The following OPLAH variants were observed in gnomAD, a reference collection of about 807,000 sequenced individuals.
OPLAH encodes the protein 5-oxoprolinase, ATP-hydrolysing.
Under a neutral mutation model 122.8 loss-of-function variants are expected in OPLAH, and 103 were observed. The observed-to-expected ratio is 0.84, with a 90% CI of 0.71 to 0.99. OPLAH has a LOEUF of 0.99. OPLAH is among the 50% of genes least tolerant of loss of function. The probability of loss-of-function intolerance (pLI) is 0.00; values close to 1 mark genes in which losing one functional copy is unlikely to be tolerated. For synonymous variants in OPLAH, 875 were observed against 796.0 expected (o/e 1.10, Z -1.67); for missense variants, 1,902 against 1,836.5 (o/e 1.04, Z -0.65).
chr8:144,058,467 T>C, intron 6 of OPLAH, 29 bp downstream of exon 6: 2 of 1,575,142 alleles, frequency 1.3e-6, no homozygotes, highest in Non-Finnish European at 1.7e-6. Flanking sequence ...GGCCCAGGAG[T>C]GGGCAGTGGG....
chr8:144,058,633 C>T lies in OPLAH; in HGVS notation c.646G>A (p.Val216Met), dbSNP rs374238208. The T allele has an allele frequency of 4.6e-5, 74 of 1,602,554 alleles. No individual in the cohort carries two copies. Among genetic ancestry groups the T allele is most frequent in the Middle Eastern group, 1.7e-4 (1 of 6,054 alleles). The stretch of plus-strand genomic sequence containing the variant: ...GGCATGGCCTCCGAGGACAGTGACA[C>T]GTGCGTGAAGCCCAGCTCCCGGGCC... ...VLARELGFTH[V>M]SLSSEAMPMV... The change falls in exon 6 of 27, where the codon GTG becomes ATG. Residue 216 changes from valine (V) to methionine (M), a missense_variant. Val to Met is a conservative substitution (Grantham distance 21). Transcript: ENST00000618853.
Position 144,052,555 on chromosome 8 carries a change from ATGGAGC to A in OPLAH, c.3191_3196del (p.Gly1064_Ile1066delinsVal), listed in dbSNP as rs1564288018. On this transcript the variant is annotated inframe_deletion, in exon 23 of 27. Transcript: ENST00000618853. Reference sequence around the variant, plus strand: ...CGCCGCCTCGGGCGACGGGTCCAGGATGGAGCCTCGGGGAATGACCACGCGCACTGG... The same window carrying A: ...CGCCGCCTCGGGCGACGGGTCCAGGACTCGGGGAATGACCACGCGCACTGG... 1.9e-6 allele frequency: 3 copies of A among 1,596,704 alleles called. No individual in the cohort carries two copies. The East Asian group carries it at 6.7e-5, about 36-fold the overall frequency.
rs376334377 is a variant in OPLAH, at chr8:144,058,212, C to T, written c.949+27G>A. On this transcript the variant is annotated intron_variant, in intron 7 of 26. Coordinates refer to ENST00000618853, the MANE Select transcript of OPLAH (RefSeq NM_017570.5). The stretch of plus-strand genomic sequence containing the variant: ...CAGGGGCCCAGCAGCTGAGCCTCCC[C>T]GAGACCCCAGCCCTCGGCCCTCATA... 2.3e-5 allele frequency: 37 copies of T among 1,604,272 alleles called. No homozygotes were observed. In the Admixed American group the frequency reaches 3.0e-4, roughly 13 times the overall value.
intron 13 of OPLAH, 32 bp from the exon 14 acceptor site, chr8:144,056,555 C>CA: frequency 1.2e-6 from 2 of 1,612,248 alleles, no homozygotes; most frequent in Non-Finnish European, 1.7e-6. Context: ...AAGGAGTGGT[C>CA]AGAGTGAGGC....
chr8:144,061,113 C>G (rs1329711423), upstream of OPLAH, among the ~76,000 whole-genome samples: 3 of 152,266 alleles, frequency 2.0e-5, no homozygotes, highest in Non-Finnish European at 2.9e-5. Flanking sequence ...TGTGCGGTAT[C>G]TCTGGCCTTC....
chr8:144,053,499 G>T, intron 19 of OPLAH, 106 bp from the exon 20 acceptor site: 1 of 1,150,458 alleles, frequency 8.7e-7, no homozygotes, highest in Non-Finnish European at 1.2e-6. Context: ...AAGCACCGAG[G>T]CCTGGCCTGG....
rs782724544 is a variant in OPLAH at position 144,056,629 on chromosome 8, G to C, written c.1833C>G (p.Ala611=). 6.2e-7 allele frequency: 1 copy of C among 1,612,272 alleles called. No homozygotes were observed. Among genetic ancestry groups the C allele is most frequent in the Admixed American group, 1.7e-5 (1 of 59,998 alleles). The change falls in exon 13 of 27, where the codon GCC becomes GCG. Residue 611 remains alanine, a synonymous_variant. Transcript: ENST00000618853. ...RSPRAGDFGA[A]FVERYMREFG... Reference sequence around the variant, plus strand: ...AGGAAGCCACGTACCGCTCCACAAAGGCTGCCCCGAAGTCCCCCGCACGGG... The same window carrying C: ...AGGAAGCCACGTACCGCTCCACAAACGCTGCCCCGAAGTCCCCCGCACGGG...
Position 144,052,476 on chromosome 8 carries a change from C to A in OPLAH, c.3276G>T (p.Gly1092=). The A allele has an allele frequency of 6.4e-7, 1 of 1,553,272 alleles. No individual in the cohort carries two copies. Residue 1092 remains glycine (G), a synonymous_variant, in exon 23 of 27, where the codon GGG becomes GGT. Coordinates refer to ENST00000618853, the MANE Select transcript of OPLAH (RefSeq NM_017570.5). ...TSQRVVDVIL[G]AFGACAASQG... is the part of the protein sequence containing the mutation. Reference sequence around the variant, plus strand: ...GGGAGGCGGCGCAGGCCCCAAAGGCCCCCAGGATGACATCCACCACGCGCT... The same window carrying A: ...GGGAGGCGGCGCAGGCCCCAAAGGCACCCAGGATGACATCCACCACGCGCT...
At position 144,055,765 on chromosome 8, in the gene OPLAH, G is replaced by C. The variant is rs1554758817; in HGVS notation, c.2248+23C>G. ...ACACAGCCGGCGCCTCATCCCACAG[G>C]GAGCCTGGCAGCGGCCACTCACCAG... On this transcript the variant is annotated intron_variant, in intron 16 of 26. Transcript: ENST00000618853. This position sits in a 1 kb window ranked among gnomAD's most constrained non-coding sequence, Gnocchi z 6.5. 2 of 1,485,968 alleles carry C rather than the reference G, an allele frequency of 1.3e-6. No homozygotes were observed. Among genetic ancestry groups the C allele is most frequent in the South Asian group, 1.3e-5 (1 of 75,314 alleles). The allele number at this position is 1,485,968 out of a possible 1,614,324, so 92.0% of individuals were successfully genotyped here. A position where few individuals can be genotyped will look rare whatever the true frequency, so the allele number is the denominator to read the frequency against.
chr8:144,050,405 T>G, downstream of OPLAH: 1 of 983,690 alleles, frequency 1.0e-6, no homozygotes, highest in Non-Finnish European at 1.2e-6. Flanking sequence ...AGTGGAGAGG[T>G]CGTGGCTTTC....
In OPLAH at chr8:144,054,586, G is replaced by A; in HGVS notation, c.2661C>T (p.Val887=). The A allele has an allele frequency of 6.3e-7, 1 of 1,598,362 alleles. No homozygotes were observed. Among genetic ancestry groups the A allele is most frequent in the East Asian group, 2.2e-5 (1 of 44,490 alleles). The change falls in exon 19 of 27, where the codon GTC becomes GTT. Residue 887 remains valine (V), a synonymous_variant. Coordinates refer to ENST00000618853, the MANE Select transcript of OPLAH (RefSeq NM_017570.5). ...EGAVFLSFKL[V]QGGVFQEEAV... ...CCTCCTCCTGGAAGACGCCCCCCTG[G>A]ACAAGTTTGAAGGACAGAAAGACGG...
intron 17 of OPLAH, 41 bp from the exon 18 acceptor site, chr8:144,054,954 A>G: frequency 1.7e-6 from 1 of 594,842 alleles, no homozygotes; most frequent in Non-Finnish European, 2.2e-6. Flanking sequence ...ACAGGGGAGC[A>G]GGGGCCAGAG....
Position 144,052,042 on chromosome 8 carries a change from G to A in OPLAH, c.3496C>T (p.Arg1166Trp), listed in dbSNP as rs1554757796. The part of the protein sequence containing the change: ...PVILRRFELR[R>W]GSGGRGRFRG... ...AAGCGGCCTCTGCCCCCCGAGCCCC[G>A]CCGCAGCTCGAAGCGGCGCAGGATG... The change falls in exon 25 of 27, where the codon CGG becomes TGG. Residue 1166 changes from arginine (R) to tryptophan (W), a missense_variant. Arg to Trp is a moderately radical substitution (Grantham distance 101). This residue lies in a region of OPLAH where 1,726 missense variants were observed against 1,642.1 expected (regional missense o/e 1.05). Coordinates refer to ENST00000618853, the MANE Select transcript of OPLAH (RefSeq NM_017570.5). 1 of 1,589,486 alleles carries A rather than the reference G, an allele frequency of 6.3e-7. No individual in the cohort carries two copies.
At position 144,052,755 on chromosome 8, in the gene OPLAH, C is replaced by A. The variant is rs1554758006; in HGVS notation, c.3153+11G>T. 1 of 1,563,688 alleles carries A rather than the reference C, an allele frequency of 6.4e-7. No individual in the cohort carries two copies. The highest frequency in any genetic ancestry group is 1.2e-5 in the South Asian group (1 of 84,940). ...GCTGGGGCCCCCCCTCGCGCACACA[C>A]CCCTGCGAACCTGGTTGAGTGGGAT... On this transcript the variant is annotated intron_variant, in intron 22 of 26. Transcript: ENST00000618853.
rs374660106 is a variant in OPLAH at position 144,058,045 on chromosome 8, G to A, written c.1053C>T (p.Thr351=). The change falls in exon 8 of 27, where the codon ACC becomes ACT. Residue 351 remains threonine, a synonymous_variant. Transcript: ENST00000618853. ...TLQAPQLDIN[T]VAAGGGSRLF... ...GGCGGGAACCCCCTCCCGCTGCCAC[G>A]GTGTTGATGTCCAGCTGCGGGGCCT... 50 of 1,612,492 alleles carry A rather than the reference G, an allele frequency of 3.1e-5. No individual in the cohort carries two copies. The highest frequency in any genetic ancestry group is 8.9e-5 in the East Asian group (4 of 44,866).
At chr8:144,052,638 G>A (rs781985960) in intron 22 of OPLAH, 40 bp from the exon 23 acceptor site, 8 of 1,559,840 alleles carry the variant, frequency 5.1e-6, no homozygotes, top group Admixed American at 1.8e-5. Context: ...CTTGGGGTGG[G>A]CTCCGGGAGA....
chr8:144,058,560 T>C lies in OPLAH; in HGVS notation c.719A>G (p.Tyr240Cys). ...PRGHTACADAYLTPAIQRYVQ... is the reference protein window; with the variant it reads ...PRGHTACADACLTPAIQRYVQ... ...GTAGCGCTGGATGGCGGGCGTGAGG[T>C]AGGCGTCGGCACAGGCCGTGTGCCC... is the stretch of plus-strand genomic sequence containing the variant. The change falls in exon 6 of 27, where the codon TAC (tyrosine) becomes TGC (cysteine). Residue 240 changes from tyrosine (Y) to cysteine (C), a missense_variant. This residue lies in a region of OPLAH where 1,726 missense variants were observed against 1,642.1 expected (regional missense o/e 1.05). Transcript: ENST00000618853. The C allele has an allele frequency of 6.2e-7, 1 of 1,600,720 alleles. No individual in the cohort carries two copies. Among genetic ancestry groups the C allele is most frequent in the Non-Finnish European group, 8.5e-7 (1 of 1,178,688 alleles).
chr8:144,056,919 C>T (rs1835531813), intron 12 of OPLAH, 29 bp downstream of exon 12: 1 of 1,551,970 alleles, frequency 6.4e-7, no homozygotes. Context: ...CAACGTAAGC[C>T]CTCTGTCCAG....
chr8:144,051,595 C>T, intron 26 of OPLAH, 123 bp from the exon 27 acceptor site: 1 of 1,148,494 alleles, frequency 8.7e-7, no homozygotes, highest in Non-Finnish European at 1.2e-6. Flanking sequence ...CACGGAGGCC[C>T]GGTACGCGCC....
Sources: gnomAD v4.1 joint callset for allele counts (sites outside exome capture counted in the v4.1 genomes callset) on GRCh38, gnomAD v4.1.1 for gene constraint, gnomAD v4.1.1 regional missense constraint, Gnocchi (gnomAD v3.1) non-coding constraint, MANE v1.5 for transcripts, NCBI Gene and HGNC (gene_info 2026-07-23, HGNC 2026-07-21) for gene names.